Variants in DDR2 observed in about 807,000 individuals in gnomAD.
DDR2 encodes discoidin domain-containing receptor 2.
In DDR2, 27 loss-of-function variants were observed where a neutral mutation model predicts 94.9. That is an observed-to-expected ratio of 0.28 (90% confidence interval 0.21 to 0.39). The LOEUF is 0.39. DDR2 is among the 10% of genes least tolerant of loss of function. The probability of loss-of-function intolerance (pLI) is 1.00; values close to 1 mark genes in which losing one functional copy is unlikely to be tolerated. For missense variants in DDR2, 783 were observed against 1,076.0 expected, an observed-to-expected ratio of 0.73 and a Z score of 3.81; for synonymous variants, 382 against 377.2, an observed-to-expected ratio of 1.01 and a Z score of -0.15.
At chr1:162,739,537 C>A (rs749202703) in intron 3 of DDR2, among the ~76,000 whole-genome samples, 8 of 152,016 alleles carry the variant, frequency 5.3e-5, no homozygotes, top group Non-Finnish European at 8.8e-5. Flanking sequence ...AAACTCCTGA[C>A]CTCAAGTGAT....
chr1:162,668,089 G>A (rs756518657), intron 2 of DDR2, among the ~76,000 whole-genome samples: 6 of 152,148 alleles, frequency 3.9e-5, no homozygotes, highest in Non-Finnish European at 7.4e-5. Flanking sequence ...CTCCCCTGGA[G>A]TACAAACTTT....
rs752778008 is a variant in DDR2 at position 162,770,473 on chromosome 1, C to G, written c.1465C>G (p.Arg489Gly). The change falls in exon 12 of 18, where the codon CGA becomes GGA. Residue 489 changes from arginine to glycine, a missense_variant. Arg to Gly is a moderately radical substitution (Grantham distance 125, BLOSUM62 -2). Transcript: ENST00000367921. ...PDYQEPSRLI[R>G]KLPEFAPGEE... ...CTACCAGGAGCCATCCAGGCTGATA[C>G]GAAAACTCCCAGAATTTGCTCCAGG... is the stretch of plus-strand genomic sequence containing the variant. 2 of 1,614,038 alleles carry G rather than the reference C, an allele frequency of 1.2e-6. No individual in the cohort carries two copies. Among genetic ancestry groups the G allele is most frequent in the South Asian group, 2.2e-5 (2 of 91,060 alleles).
At chr1:162,639,782 A>C (rs1313551447) in intron 1 of DDR2, among the ~76,000 whole-genome samples, 2 of 152,228 alleles carry the variant, frequency 1.3e-5, no homozygotes, top group African/African-American at 2.4e-5. Context: ...ACAGTGCAAA[A>C]GTGATACTCA....
intron 2 of DDR2, among the ~76,000 whole-genome samples, chr1:162,715,429 G>T (rs1405726821): frequency 1.3e-5 from 2 of 152,194 alleles, no homozygotes; most frequent in African/African-American, 4.8e-5. Context: ...TAGGCAAAGA[G>T]AGGAGAGAAA....
intron 2 of DDR2, among the ~76,000 whole-genome samples, chr1:162,706,019 C>T (rs897636158): frequency 2.6e-5 from 4 of 152,178 alleles, no homozygotes; most frequent in Admixed American, 2.6e-4. Context: ...CAATTTAAGT[C>T]ACTAAATGGT....
chr1:162,705,549 G>A (rs1285984882), intron 2 of DDR2, among the ~76,000 whole-genome samples: 11 of 152,172 alleles, frequency 7.2e-5, no homozygotes, highest in Admixed American at 7.2e-4. Context: ...ATTCTGTTGT[G>A]GTACACCCGC....
chr1:162,779,975 C>T (rs1298232653), intron 17 of DDR2, 137 bp from the exon 18 acceptor site: 2 of 1,264,660 alleles, frequency 1.6e-6, no homozygotes, highest in African/African-American at 2.9e-5. Context: ...GGACACTACA[C>T]CCATTTCAGT....
rs77638252 is a variant in DDR2, at chr1:162,673,059, C to T, written c.-28+17685C>T. Among the ~76,000 whole-genome samples the T allele has an allele frequency of 5.8e-3, 882 of 152,292 alleles. 6 individuals carry two copies. The highest frequency in any genetic ancestry group is 0.017 in the South Asian group (84 of 4,822). ...ATTATGTACGTTCTTTAATTATGGG[C>T]TCTAATTGCCCATTTTAGTTCTGTA... is the stretch of plus-strand genomic sequence containing the variant. On this transcript the variant is annotated intron_variant, in intron 2 of 17. Coordinates refer to ENST00000367921, the MANE Select transcript of DDR2 (RefSeq NM_006182.4).
Position 162,783,617 on chromosome 1 carries a change from A to G in DDR2, c.*3371A>G, listed in dbSNP as rs1648021425. On this transcript the variant is annotated 3_prime_UTR_variant, in exon 18 of 18. Transcript: ENST00000367921. ...AGGAAAGTAAGTGTCTTGAAGTAAAAGATAAATATGGATGGAGAAAGAAGA... is the reference window on the plus strand; with the variant it reads ...AGGAAAGTAAGTGTCTTGAAGTAAAGGATAAATATGGATGGAGAAAGAAGA... 2 of 152,224 alleles carry G rather than the reference A, an allele frequency of 1.3e-5. No individual in the cohort carries two copies. Among genetic ancestry groups the G allele is most frequent in the South Asian group, 4.1e-4 (2 of 4,828 alleles). 9.4% of individuals were successfully genotyped at this position (152,224 alleles called of 1,614,324 possible). A position where few individuals can be genotyped will look rare whatever the true frequency, so the allele number is the denominator to read the frequency against.
chr1:162,735,075 G>A (rs191328411), intron 3 of DDR2, among the ~76,000 whole-genome samples: 1 of 152,146 alleles, frequency 6.6e-6, no homozygotes, highest in Non-Finnish European at 1.5e-5. Flanking sequence ...GGACTGGATG[G>A]TTCTCAAAGG....
At chr1:162,690,484 C>T (rs1488317429) in intron 2 of DDR2, among the ~76,000 whole-genome samples, 1 of 152,098 alleles carries the variant, frequency 6.6e-6, no homozygotes, top group Non-Finnish European at 1.5e-5. Flanking sequence ...TCCAGCATAC[C>T]TACCATGTGC....
At chr1:162,649,854 C>T (rs1657600363) in intron 1 of DDR2, among the ~76,000 whole-genome samples, 1 of 152,224 alleles carries the variant, frequency 6.6e-6, no homozygotes, top group African/African-American at 2.4e-5. Flanking sequence ...CTTAATCCAT[C>T]TAGTCTCAGT....
At chr1:162,669,335 AT>A (rs1227201054) in intron 2 of DDR2, among the ~76,000 whole-genome samples, 1 of 152,240 alleles carries the variant, frequency 6.6e-6, no homozygotes, top group Non-Finnish European at 1.5e-5. Flanking sequence ...AATTTATGAA[AT>A]ATGGCTGTTA....
At chr1:162,747,433 G>A (rs1018936956) in intron 3 of DDR2, among the ~76,000 whole-genome samples, 3 of 144,964 alleles carry the variant, frequency 2.1e-5, no homozygotes, top group Non-Finnish European at 3.0e-5. Context: ...AATGAAGCGA[G>A]AAGAGAAGTT....
intron 2 of DDR2, among the ~76,000 whole-genome samples, chr1:162,670,352 T>C (rs6666038): frequency 0.86 from 131,303 of 152,266 alleles, 57,412 homozygotes; most frequent in Non-Finnish European, 0.93. Flanking sequence ...GTGATCTGCC[T>C]GCCTTGGCCT....
At chr1:162,752,416 G>A (rs1663257512) in intron 3 of DDR2, among the ~76,000 whole-genome samples, 1 of 152,168 alleles carries the variant, frequency 6.6e-6, no homozygotes, top group Admixed American at 6.5e-5. Flanking sequence ...CTCTCAGATT[G>A]TTGTCCTTCG....
chr1:162,688,700 T>C (rs1232389176), intron 2 of DDR2, among the ~76,000 whole-genome samples: 1 of 152,242 alleles, frequency 6.6e-6, no homozygotes, highest in Non-Finnish European at 1.5e-5. Flanking sequence ...GGGATGTCTG[T>C]GGAGCTTCAG....
chr1:162,744,936 A>G (rs1267561079), intron 3 of DDR2, among the ~76,000 whole-genome samples: 1 of 152,204 alleles, frequency 6.6e-6, no homozygotes, highest in Non-Finnish European at 1.5e-5. Flanking sequence ...TACTGACTGC[A>G]TCATTTTACA....
At chr1:162,716,079 T>C (rs1661155279) in intron 2 of DDR2, among the ~76,000 whole-genome samples, 2 of 151,690 alleles carry the variant, frequency 1.3e-5, no homozygotes, top group South Asian at 4.2e-4. Flanking sequence ...AGTTAATGAT[T>C]AAATGGATAA....
Sources: allele counts gnomAD v4.1 joint callset (sites outside exome capture counted in the v4.1 genomes callset), GRCh38; gene constraint gnomAD v4.1.1; transcripts MANE v1.5; gene names NCBI Gene and HGNC (gene_info 2026-07-23, HGNC 2026-07-21).